SESTD1: variants seen among roughly 807,000 people sequenced by gnomAD.
SESTD1 encodes SEC14 and spectrin domain containing 1.
In SESTD1, 43 loss-of-function variants were observed where a neutral mutation model predicts 101.7. That is an observed-to-expected ratio of 0.42 (90% CI 0.33 to 0.55). SESTD1 has a LOEUF of 0.55. Among genes scored for constraint, SESTD1 ranks in the 20% least tolerant of loss-of-function variants. SESTD1 has a pLI of 0.07. For synonymous variants in SESTD1, 283 were observed against 286.8 expected (o/e 0.99, Z 0.13); for missense variants, 647 against 815.1 (o/e 0.79, Z 2.51).
At chr2:179,189,183 A>G (rs1205538908) in intron 2 of SESTD1, among the ~76,000 whole-genome samples, 2 of 152,170 alleles carry the variant, frequency 1.3e-5, no homozygotes, top group Admixed American at 1.3e-4. Flanking sequence ...TCAACAAAAT[A>G]CTAGCAAACG....
Position 179,124,391 on chromosome 2 carries a change from A to C in SESTD1, c.1140T>G (p.Ala380=). The change falls in exon 11 of 18, where the codon GCT becomes GCG. Residue 380 remains alanine, a synonymous_variant. Coordinates refer to ENST00000428443, the MANE Select transcript of SESTD1 (RefSeq NM_178123.5). The stretch of plus-strand genomic sequence containing the variant: ...CTTGGGCAACACCATGAAATTCAAG[A>C]GCTGCTTGTAAGAGATTTTGCCTAA... The part of the protein sequence containing the change: ...LEFRQNLLQA[A]LEFHGVAQDL... 1 of 1,614,064 alleles carries C rather than the reference A, an allele frequency of 6.2e-7. No homozygotes were observed. The highest frequency in any genetic ancestry group is 8.5e-7 in the Non-Finnish European group (1 of 1,179,974).
At chr2:179,138,096 G>A (rs888110004) in intron 9 of SESTD1, among the ~76,000 whole-genome samples, 1 of 151,934 alleles carries the variant, frequency 6.6e-6, no homozygotes, top group Non-Finnish European at 1.5e-5. Context: ...AAATTCACTT[G>A]TTATCCTGAT....
At chr2:179,256,772 A>G (rs1298565756) in intron 1 of SESTD1, among the ~76,000 whole-genome samples, 1 of 148,550 alleles carries the variant, frequency 6.7e-6, no homozygotes, top group East Asian at 2.0e-4. Flanking sequence ...AGATCCTGCC[A>G]CTGAACTCCA....
In SESTD1 at chr2:179,249,094, G is replaced by GAA. The variant is rs1198155036; in HGVS notation, c.-26+15403_-26+15404dup. On this transcript the variant is annotated intron_variant, in intron 1 of 17. Transcript: ENST00000428443. ...TGACAGAGTGAGATCCCGTCTTTAA[G>GAA]AAAAAAAAAAAAAAAAAAAGCATGG... 7.4e-3 allele frequency among the ~76,000 whole-genome samples: 434 copies of GAA among 58,682 alleles called. 9 individuals carry two copies. Among genetic ancestry groups the GAA allele is most frequent in the African/African-American group, 0.023 (394 of 16,890 alleles). 38.5% of individuals were successfully genotyped at this position (58,682 alleles called of 152,430 possible). A position where few individuals can be genotyped will look rare whatever the true frequency, so the allele number is the denominator to read the frequency against.
rs1052399547 is a variant in SESTD1, at chr2:179,203,732, C to T, written c.-25-11866G>A. On this transcript the variant is annotated intron_variant, in intron 1 of 17. Coordinates refer to ENST00000428443, the MANE Select transcript of SESTD1 (RefSeq NM_178123.5). ...GTCAGACAGAAGTGTGGGTAACCTG[C>T]GGACCCAATACTTGTGCCTGGCATC... is the stretch of plus-strand genomic sequence containing the variant. Among the ~76,000 whole-genome samples, 3 of 133,626 alleles carry T rather than the reference C, an allele frequency of 2.2e-5. 1 individual carries two copies. The highest frequency in any genetic ancestry group is 2.0e-4 in the East Asian group (1 of 5,008). 87.7% of individuals were successfully genotyped at this position (133,626 alleles called of 152,430 possible).
chr2:179,185,320 T>C (rs2046192375), intron 2 of SESTD1, among the ~76,000 whole-genome samples: 1 of 148,114 alleles, frequency 6.8e-6, no homozygotes, highest in Non-Finnish European at 1.5e-5. Flanking sequence ...GTATAATATA[T>C]AATATAGCAT....
At chr2:179,141,977 A>G (rs2045289305) in intron 9 of SESTD1, among the ~76,000 whole-genome samples, 1 of 152,218 alleles carries the variant, frequency 6.6e-6, no homozygotes. Flanking sequence ...CTGAAATTCA[A>G]CATCTTCCAT....
At chr2:179,154,166 G>C (rs1434488038) in intron 5 of SESTD1, among the ~76,000 whole-genome samples, 1 of 151,484 alleles carries the variant, frequency 6.6e-6, no homozygotes, top group African/African-American at 2.4e-5. Context: ...CCAGGAGTTA[G>C]GCTGCAGGGA....
chr2:179,240,043 T>C (rs2105546023), intron 1 of SESTD1, among the ~76,000 whole-genome samples: 1 of 152,290 alleles, frequency 6.6e-6, no homozygotes, highest in East Asian at 1.9e-4. Context: ...ATGAGACACA[T>C]GGCCTTGAGA....
At chr2:179,225,710 G>C (rs916877228) in intron 1 of SESTD1, among the ~76,000 whole-genome samples, 3 of 152,118 alleles carry the variant, frequency 2.0e-5, no homozygotes, top group African/African-American at 7.2e-5. Context: ...GGGCAAAAAG[G>C]GTGCAAATAC....
chr2:179,264,273 T>C (rs2105566468), intron 1 of SESTD1: 1 of 151,492 alleles, frequency 6.6e-6, no homozygotes, highest in Non-Finnish European at 1.5e-5. Context: ...GCGCTTTGTC[T>C]GTGGCGGCAA....
At chr2:179,262,209 G>A (rs2047492370) in intron 1 of SESTD1, among the ~76,000 whole-genome samples, 2 of 152,142 alleles carry the variant, frequency 1.3e-5, no homozygotes, top group African/African-American at 4.8e-5. Flanking sequence ...TATGGGGAAG[G>A]GGGAATAGTA....
intron 10 of SESTD1, among the ~76,000 whole-genome samples, chr2:179,125,509 G>A (rs151204925): frequency 2.6e-5 from 4 of 152,286 alleles, no homozygotes; most frequent in African/African-American, 9.6e-5. Flanking sequence ...ACAACTAGGT[G>A]GATAGCGCTC....
chr2:179,181,880 C>T (rs1447449780), intron 3 of SESTD1, among the ~76,000 whole-genome samples: 1 of 151,744 alleles, frequency 6.6e-6, no homozygotes, highest in Non-Finnish European at 1.5e-5. Flanking sequence ...ACTGCTAATG[C>T]AATTAGCTAA....
In SESTD1 at chr2:179,105,042, G is replaced by A. The variant is rs1236005886; in HGVS notation, c.*4857C>T. On this transcript the variant is annotated 3_prime_UTR_variant, in exon 18 of 18. Transcript: ENST00000428443. ...CCCTGTATTTATGCCAGCTCACGGA[G>A]TGTCCTTAGTTCTATGCCTCTATTA... 1.3e-5 allele frequency: 2 copies of A among 152,054 alleles called. No homozygotes were observed. Among genetic ancestry groups the A allele is most frequent in the African/African-American group, 4.8e-5 (2 of 41,388 alleles). The allele number at this position is 152,054 out of a possible 1,614,324, so 9.4% of individuals were successfully genotyped here. A position where few individuals can be genotyped will look rare whatever the true frequency, so the allele number is the denominator to read the frequency against.
At chr2:179,147,729 A>G (rs907638116) in intron 7 of SESTD1, among the ~76,000 whole-genome samples, 1 of 152,188 alleles carries the variant, frequency 6.6e-6, no homozygotes, top group African/African-American at 2.4e-5. Flanking sequence ...AGAACCTTTA[A>G]TCTGCAATAT....
In SESTD1 at chr2:179,133,355, A is replaced by C. The variant is rs184064737; in HGVS notation, c.850-929T>G. 3.3e-5 allele frequency among the ~76,000 whole-genome samples: 5 copies of C among 152,312 alleles called. No individual in the cohort carries two copies. In the East Asian group the frequency reaches 9.6e-4, roughly 29 times the overall value. ...GTCCAGATCTGGAATAATGTTTACT[A>C]TAAGCAATATTGCCTAGTAACGTAG... On this transcript the variant is annotated intron_variant, in intron 9 of 17. Coordinates refer to ENST00000428443, the MANE Select transcript of SESTD1 (RefSeq NM_178123.5).
At chr2:179,238,048 G>C (rs1334008184) in intron 1 of SESTD1, among the ~76,000 whole-genome samples, 1 of 152,100 alleles carries the variant, frequency 6.6e-6, no homozygotes, top group Admixed American at 6.6e-5. Flanking sequence ...CATATATTTT[G>C]TATATGTACT....
intron 1 of SESTD1, among the ~76,000 whole-genome samples, chr2:179,236,453 T>G (rs1222320497): frequency 1.3e-5 from 2 of 151,656 alleles, no homozygotes; most frequent in Non-Finnish European, 2.9e-5. Flanking sequence ...GCTACAATCG[T>G]GCCACTGCAC....
Sources: allele counts gnomAD v4.1 joint callset (sites outside exome capture counted in the v4.1 genomes callset), GRCh38; gene constraint gnomAD v4.1.1; transcripts MANE v1.5; gene names NCBI Gene and HGNC (gene_info 2026-07-23, HGNC 2026-07-21).